The following SLC14A2 variants were observed in gnomAD, a reference collection of about 807,000 sequenced individuals.
SLC14A2 encodes urea transporter 2.
Under a neutral mutation model 104.6 loss-of-function variants are expected in SLC14A2, and 91 were observed. That is an observed-to-expected ratio of 0.87 (90% confidence interval 0.73 to 1.04). SLC14A2 has a LOEUF of 1.04. Ranked by LOEUF, SLC14A2 falls within the 50% of genes least tolerant of loss-of-function variation. SLC14A2 has a pLI of 0.00. For missense variants in SLC14A2, 1,189 were observed against 1,156.0 expected (o/e 1.03, Z -0.41); for synonymous variants, 476 against 466.4 (o/e 1.02, Z -0.27).
intron 1 of SLC14A2, among the ~76,000 whole-genome samples, chr18:45,452,645 G>C (rs1180293485): frequency 6.6e-6 from 1 of 152,164 alleles, no homozygotes; most frequent in Non-Finnish European, 1.5e-5. Context: ...CCATGGACTA[G>C]AAAAACGCCA....
intron 2 of SLC14A2, among the ~76,000 whole-genome samples, chr18:45,561,228 G>A (rs531207271): frequency 2.0e-5 from 3 of 152,146 alleles, no homozygotes; most frequent in African/African-American, 2.4e-5. Flanking sequence ...GGGTAGGAGG[G>A]TGAATGAAGG....
chr18:45,511,185 T>G (rs534822185), intron 2 of SLC14A2, among the ~76,000 whole-genome samples: 16 of 152,310 alleles, frequency 1.1e-4, no homozygotes, highest in Middle Eastern at 3.4e-3. Context: ...CACTTGTTTC[T>G]ATTTAAAGTA....
At chr18:45,191,284 C>T in the SLC14A2 span, among the ~76,000 whole-genome samples, 7 of 152,118 alleles carry the variant, frequency 4.6e-5, no homozygotes, top group Non-Finnish European at 1.0e-4. Context: ...CTCATTCACA[C>T]GTTATATGCA....
At chr18:45,660,475 A>G (rs2045920026) in intron 10 of SLC14A2, among the ~76,000 whole-genome samples, 1 of 152,200 alleles carries the variant, frequency 6.6e-6, no homozygotes, top group African/African-American at 2.4e-5. Flanking sequence ...TTTATTTTCC[A>G]GCGCATTTCG....
At chr18:45,297,226 G>A (rs907035153) in intron 1 of SLC14A2, among the ~76,000 whole-genome samples, 4 of 152,150 alleles carry the variant, frequency 2.6e-5, no homozygotes, top group African/African-American at 9.7e-5. Context: ...TTTCTTGAGG[G>A]TACAGCAACT....
chr18:45,513,716 G>A (rs1439316568), intron 2 of SLC14A2, among the ~76,000 whole-genome samples: 1 of 152,136 alleles, frequency 6.6e-6, no homozygotes, highest in African/African-American at 2.4e-5. Flanking sequence ...TAAGAGTTAG[G>A]GCTGTGGTCC....
intron 1 of SLC14A2, among the ~76,000 whole-genome samples, chr18:45,317,349 C>T (rs1468390737): frequency 6.6e-6 from 1 of 152,182 alleles, no homozygotes; most frequent in Admixed American, 6.5e-5. Context: ...ATGCTATGTT[C>T]TCAAAGAGCT....
intron 1 of SLC14A2, among the ~76,000 whole-genome samples, chr18:45,316,110 C>A (rs1323363400): frequency 6.6e-6 from 1 of 152,152 alleles, no homozygotes; most frequent in Non-Finnish European, 1.5e-5. Context: ...TGCCTCCCTC[C>A]CGGCTTGGGG....
At chr18:45,448,147 T>G (rs538915699) in intron 1 of SLC14A2, among the ~76,000 whole-genome samples, 27 of 152,364 alleles carry the variant, frequency 1.8e-4, no homozygotes, top group African/African-American at 6.0e-4. Context: ...AAAGGGTGCC[T>G]TGGCTTTTTA....
At chr18:45,295,142 AG>A (rs2084906634) in intron 1 of SLC14A2, among the ~76,000 whole-genome samples, 1 of 152,188 alleles carries the variant, frequency 6.6e-6, no homozygotes, top group African/African-American at 2.4e-5. Flanking sequence ...TTGAGTCCCC[AG>A]GCCACTCCTG....
chr18:45,170,185 A>C, the SLC14A2 span, among the ~76,000 whole-genome samples: 1 of 152,112 alleles, frequency 6.6e-6, no homozygotes, highest in Non-Finnish European at 1.5e-5. Context: ...CCTGAGGTTC[A>C]TCATTCTTCA....
chr18:45,533,665 A>T (rs1055042298), intron 2 of SLC14A2, among the ~76,000 whole-genome samples: 12 of 152,036 alleles, frequency 7.9e-5, no homozygotes, highest in Non-Finnish European at 1.6e-4. Context: ...GGATTAATTG[A>T]TTTTTTGAAG....
At chr18:45,651,621 G>A (rs539865662) in intron 10 of SLC14A2, among the ~76,000 whole-genome samples, 41 of 152,290 alleles carry the variant, frequency 2.7e-4, no homozygotes, top group African/African-American at 8.7e-4. Flanking sequence ...TGTGGAGGCC[G>A]GTTGGAGATG....
chr18:45,636,594 T>C (rs1048853011), intron 5 of SLC14A2, among the ~76,000 whole-genome samples: 2 of 152,218 alleles, frequency 1.3e-5, no homozygotes, highest in African/African-American at 4.8e-5. Flanking sequence ...TATCAGAGCC[T>C]TGAACAATAG....
At chr18:45,676,822 G>A (rs915874976) in intron 18 of SLC14A2, among the ~76,000 whole-genome samples, 1 of 152,140 alleles carries the variant, frequency 6.6e-6, no homozygotes, top group Non-Finnish European at 1.5e-5. Flanking sequence ...GAGAAATGAG[G>A]CTAAAGGAAG....
chr18:45,673,659 C>T, intron 17 of SLC14A2, 24 bp from the exon 18 acceptor site: 1 of 1,611,928 alleles, frequency 6.2e-7, no homozygotes, highest in Non-Finnish European at 8.5e-7. Flanking sequence ...TAGACCCAAC[C>T]CTGATGCCTG....
intron 1 of SLC14A2, among the ~76,000 whole-genome samples, chr18:45,283,683 C>T (rs2084785742): frequency 6.6e-6 from 1 of 152,192 alleles, no homozygotes; most frequent in African/African-American, 2.4e-5. Context: ...TTTGCTTCTT[C>T]CTCTTTCAAT....
chr18:45,409,823 T>C (rs1439322822), intron 1 of SLC14A2, among the ~76,000 whole-genome samples: 1 of 152,210 alleles, frequency 6.6e-6, no homozygotes. Flanking sequence ...AGATAATTTT[T>C]CCACAGACCG....
intron 1 of SLC14A2, among the ~76,000 whole-genome samples, chr18:45,353,906 T>C (rs2085526406): frequency 6.6e-6 from 1 of 152,238 alleles, no homozygotes; most frequent in African/African-American, 2.4e-5. Context: ...GTTAATTGTT[T>C]TCTTTTTCCT....
Sources: gnomAD v4.1 joint callset for allele counts (sites outside exome capture counted in the v4.1 genomes callset) on GRCh38, gnomAD v4.1.1 for gene constraint, MANE v1.5 for transcripts, NCBI Gene and HGNC (gene_info 2026-07-23, HGNC 2026-07-21) for gene names.